Variants in KLHL1 observed in about 807,000 individuals in gnomAD.
The protein encoded by KLHL1 is kelch-like protein 1.
In KLHL1, 47 loss-of-function variants were observed where a neutral mutation model predicts 77.7. The observed-to-expected ratio is 0.60, with a 90% CI of 0.48 to 0.77. The LOEUF is 0.77. Ranked by LOEUF, KLHL1 falls within the 30% of genes least tolerant of loss-of-function variation. The pLI, the probability that KLHL1 is intolerant of heterozygous loss-of-function variation, is 0.00. For synonymous variants in KLHL1, 360 were observed against 325.2 expected (o/e 1.11, Z -1.15); for missense variants, 925 against 910.8 (o/e 1.02, Z -0.20).
chr13:69,860,740 A>G (rs1402899946), intron 5 of KLHL1, among the ~76,000 whole-genome samples: 1 of 133,970 alleles, frequency 7.5e-6, no homozygotes, highest in Non-Finnish European at 1.6e-5. Flanking sequence ...AAGTTTACAA[A>G]TTCTATTTAA....
At chr13:69,917,697 A>C (rs1186522823) in intron 4 of KLHL1, among the ~76,000 whole-genome samples, 1 of 152,144 alleles carries the variant, frequency 6.6e-6, no homozygotes, top group Non-Finnish European at 1.5e-5. Context: ...AACCACTTTG[A>C]TAATAATTAA....
chr13:70,053,411 G>A (rs993140037), intron 1 of KLHL1, among the ~76,000 whole-genome samples: 8 of 151,930 alleles, frequency 5.3e-5, no homozygotes, highest in Admixed American at 2.0e-4. Flanking sequence ...AGCTCTGTGA[G>A]GAAGTGAAAA....
intron 5 of KLHL1, among the ~76,000 whole-genome samples, chr13:69,849,928 A>T (rs1879617853): frequency 6.6e-6 from 1 of 151,462 alleles, no homozygotes; most frequent in Non-Finnish European, 1.5e-5. Flanking sequence ...TCTCAAATTC[A>T]ATGCATACGT....
chr13:69,802,324 C>T (rs1016128499), intron 6 of KLHL1, among the ~76,000 whole-genome samples: 1 of 152,132 alleles, frequency 6.6e-6, no homozygotes, highest in African/African-American at 2.4e-5. Context: ...CTGCAATAAA[C>T]ATACGTATCC....
At chr13:69,737,937 G>C (rs1873830886) in intron 8 of KLHL1, among the ~76,000 whole-genome samples, 1 of 152,114 alleles carries the variant, frequency 6.6e-6, no homozygotes, top group Admixed American at 6.6e-5. Flanking sequence ...TCCTGACTGG[G>C]TGAGACCTGC....
At chr13:69,987,463 T>C (rs1230349559) in intron 1 of KLHL1, among the ~76,000 whole-genome samples, 1 of 152,100 alleles carries the variant, frequency 6.6e-6, no homozygotes, top group African/African-American at 2.4e-5. Flanking sequence ...CAGCTTTTTT[T>C]CTGCCTTCCT....
chr13:69,878,713 G>A (rs60067514), intron 5 of KLHL1, among the ~76,000 whole-genome samples: 1 of 134,718 alleles, frequency 7.4e-6, no homozygotes, highest in Non-Finnish European at 1.6e-5. Context: ...TATATATATA[G>A]AGAGAGAGAG....
At chr13:69,879,953 C>A (rs1880923612) in intron 5 of KLHL1, among the ~76,000 whole-genome samples, 1 of 152,082 alleles carries the variant, frequency 6.6e-6, no homozygotes, top group African/African-American at 2.4e-5. Context: ...TAAATGAATG[C>A]CTTTAAGTTC....
chr13:69,982,469 ATAATAAT>A lies in KLHL1; in HGVS notation c.498-6674_498-6668del, dbSNP rs1312482624. On this transcript the variant is annotated intron_variant, in intron 1 of 10. Transcript: ENST00000377844. Reference sequence around the variant, plus strand: ...AATAATAATAATAATAATAATAATAATAATAATAATAAAATAAAAAGCAATAAATCAA... The same window carrying A: ...AATAATAATAATAATAATAATAATAAAATAAAATAAAAAGCAATAAATCAA... Among the ~76,000 whole-genome samples, 1,063 of 138,252 alleles carry A rather than the reference ATAATAAT, an allele frequency of 7.7e-3. 14 individuals carry two copies. Among genetic ancestry groups the A allele is most frequent in the African/African-American group, 0.03 (988 of 32,702 alleles). 90.7% of individuals were successfully genotyped at this position (138,252 alleles called of 152,430 possible).
chr13:69,985,574 A>G (rs976434544), intron 1 of KLHL1, among the ~76,000 whole-genome samples: 1 of 151,648 alleles, frequency 6.6e-6, no homozygotes, highest in African/African-American at 2.4e-5. Context: ...ATTATAGACC[A>G]GTATGGAGAC....
intron 7 of KLHL1, among the ~76,000 whole-genome samples, chr13:69,789,120 T>C (rs1319129855): frequency 6.6e-6 from 1 of 152,120 alleles, no homozygotes; most frequent in Non-Finnish European, 1.5e-5. Flanking sequence ...AAAATCTGTA[T>C]CTATCCTCTA....
At chr13:69,815,132 G>A (rs1878065190) in intron 6 of KLHL1, among the ~76,000 whole-genome samples, 1 of 152,202 alleles carries the variant, frequency 6.6e-6, no homozygotes, top group African/African-American at 2.4e-5. Flanking sequence ...AGTCCTTACA[G>A]AAAGCAGTTA....
intron 3 of KLHL1, among the ~76,000 whole-genome samples, chr13:69,954,706 C>T (rs1196706799): frequency 2.0e-5 from 3 of 151,136 alleles, no homozygotes; most frequent in Non-Finnish European, 3.0e-5. Context: ...CAACAAAAAG[C>T]TTCATAACAG....
At chr13:69,912,176 G>C (rs1199141051) in intron 4 of KLHL1, among the ~76,000 whole-genome samples, 1 of 152,114 alleles carries the variant, frequency 6.6e-6, no homozygotes, top group Non-Finnish European at 1.5e-5. Context: ...TCTCTCCTTA[G>C]CTGTGGTCTT....
chr13:69,742,430 A>C lies in KLHL1; in HGVS notation c.1640-1874T>G, dbSNP rs1874025401. 2.0e-5 allele frequency among the ~76,000 whole-genome samples: 3 copies of C among 152,146 alleles called. No homozygotes were observed. The South Asian group carries it at 6.2e-4, about 31-fold the overall frequency. On this transcript the variant is annotated intron_variant, in intron 7 of 10. Transcript: ENST00000377844. ...GACCCATGAAGAATTGTCTCCCAAA[A>C]CTGATGTGAAAATAAAATGACAACT...
chr13:69,777,464 T>C (rs1875888666), intron 7 of KLHL1, among the ~76,000 whole-genome samples: 1 of 152,208 alleles, frequency 6.6e-6, no homozygotes, highest in South Asian at 2.1e-4. Context: ...GATATTATCC[T>C]TATATCTCTT....
intron 6 of KLHL1, among the ~76,000 whole-genome samples, chr13:69,808,983 C>T (rs1877743986): frequency 1.3e-5 from 2 of 151,252 alleles, no homozygotes. Context: ...AAAGACTAAT[C>T]CTTTAAATCT....
chr13:69,934,497 T>A (rs1421614639), intron 4 of KLHL1, among the ~76,000 whole-genome samples: 1 of 152,128 alleles, frequency 6.6e-6, no homozygotes, highest in Non-Finnish European at 1.5e-5. Context: ...CTCTAGGGTA[T>A]ACTAATCTCT....
At chr13:70,035,878 T>C (rs1886226345) in intron 1 of KLHL1, among the ~76,000 whole-genome samples, 1 of 152,036 alleles carries the variant, frequency 6.6e-6, no homozygotes, top group Non-Finnish European at 1.5e-5. Context: ...TTCTCATCTA[T>C]AGATGTAGAA....
Sources: gnomAD v4.1 joint callset for allele counts (sites outside exome capture counted in the v4.1 genomes callset) on GRCh38, gnomAD v4.1.1 for gene constraint, MANE v1.5 for transcripts, NCBI Gene and HGNC (gene_info 2026-07-23, HGNC 2026-07-21) for gene names.